The following TMEM87A variants were observed in gnomAD, a reference collection of about 807,000 sequenced individuals.
TMEM87A encodes Golgi-pH regulating cation channel.
Under a neutral mutation model 90.0 loss-of-function variants are expected in TMEM87A, and 50 were observed. The ratio of observed to expected loss-of-function variants is 0.56; its 90% CI spans 0.44 to 0.70. The LOEUF (loss-of-function observed/expected upper bound fraction) is 0.70. Ranked by LOEUF, TMEM87A falls within the 30% of genes least tolerant of loss-of-function variation. The pLI, the probability that TMEM87A is intolerant of heterozygous loss-of-function variation, is 0.00. For missense variants in TMEM87A, 577 were observed against 660.5 expected (o/e 0.87, Z 1.39); for synonymous variants, 226 against 226.7 (o/e 1.00, Z 0.03).
intron 19 of TMEM87A, among the ~76,000 whole-genome samples, chr15:42,217,519 A>ATGG (rs904361810): frequency 6.6e-6 from 1 of 152,228 alleles, no homozygotes; most frequent in African/African-American, 2.4e-5. Context: ...AAAGAACTAG[A>ATGG]TGGTGGAGAG....
At chr15:42,264,349 T>A (rs2051356283) in intron 3 of TMEM87A, 146 bp from the exon 4 acceptor site, 1 of 581,494 alleles carries the variant, frequency 1.7e-6, no homozygotes, top group Middle Eastern at 3.7e-4. Context: ...ATAAAGGCTC[T>A]ATATAAAAAT....
At chr15:42,229,829 T>C (rs1566926763) in intron 12 of TMEM87A, among the ~76,000 whole-genome samples, 2 of 152,132 alleles carry the variant, frequency 1.3e-5, no homozygotes, top group Non-Finnish European at 2.9e-5. Flanking sequence ...TCACGTTCAA[T>C]GTTCTTTTCT....
In TMEM87A at chr15:42,217,910, T is replaced by C. The variant is rs949848648; in HGVS notation, c.1596-77A>G. ...TGGTTCATAAAAGACAATGGAATAATGCAATTAAAAGCTTTATAATTATCT... is the reference window on the plus strand; with the variant it reads ...TGGTTCATAAAAGACAATGGAATAACGCAATTAAAAGCTTTATAATTATCT... On this transcript the variant is annotated intron_variant, in intron 18 of 19. Transcript: ENST00000389834. The C allele has an allele frequency of 3.5e-6, 5 of 1,419,210 alleles. No homozygotes were observed. The African/African-American group carries it at 7.2e-5, about 20-fold the overall frequency. 87.9% of individuals were successfully genotyped at this position (1,419,210 alleles called of 1,614,324 possible). A position where few individuals can be genotyped will look rare whatever the true frequency, so the allele number is the denominator to read the frequency against.
chr15:42,217,667 ATCCTTT>A, intron 19 of TMEM87A, 130 bp downstream of exon 19: 1 of 739,474 alleles, frequency 1.4e-6, no homozygotes, highest in Non-Finnish European at 2.2e-6. Context: ...TTCTATTCTT[ATCCTTT>A]TCAACTATAT....
chr15:42,230,039 T>C (rs1447634901), intron 12 of TMEM87A, among the ~76,000 whole-genome samples: 1 of 152,208 alleles, frequency 6.6e-6, no homozygotes, highest in Non-Finnish European at 1.5e-5. Context: ...TTGCCCAGGC[T>C]GGTCTCAAAC....
chr15:42,232,312 A>G (rs1004919233), intron 11 of TMEM87A, among the ~76,000 whole-genome samples: 1 of 152,118 alleles, frequency 6.6e-6, no homozygotes, highest in Non-Finnish European at 1.5e-5. Context: ...GCCTGAACTC[A>G]ATCAGTCCTT....
chr15:42,226,581 C>T, intron 15 of TMEM87A: 2 of 461,032 alleles, frequency 4.3e-6, no homozygotes, highest in South Asian at 8.4e-5. Context: ...TTTAATTCCC[C>T]CTCAGTATAT....
In TMEM87A at chr15:42,273,332, G is replaced by A. The variant is rs1025591504; in HGVS notation, c.67C>T (p.Pro23Ser). Residue 23 changes from proline to serine, a missense_variant, in exon 1 of 20, where the codon CCA becomes TCA. By Grantham distance (74) the Pro-to-Ser change is moderately conservative. Coordinates refer to ENST00000389834, the MANE Select transcript of TMEM87A (RefSeq NM_015497.5). Reference protein sequence around the residue: ...ILLLLGAHPSPLSFFSAGPAT... With the variant: ...ILLLLGAHPSSLSFFSAGPAT... ...GGTCCCGCACTGAAAAACGACAGTG[G>A]TGACGGGTGAGCTCCCAGAAGCAGA... The A allele has an allele frequency of 1.5e-5, 25 of 1,614,044 alleles. No homozygotes were observed. In the East Asian group the frequency reaches 2.5e-4, roughly 16 times the overall value.
Position 42,273,252 on chromosome 15 carries a change from C to T in TMEM87A, c.144+3G>A, listed in dbSNP as rs1566945849. The T allele has an allele frequency of 1.2e-6, 2 of 1,613,984 alleles. No individual in the cohort carries two copies. Among genetic ancestry groups the T allele is most frequent in the African/African-American group, 2.7e-5 (2 of 74,930 alleles). On this transcript the variant is annotated splice_donor_region_variant and intron_variant, in intron 1 of 19. Coordinates refer to ENST00000389834, the MANE Select transcript of TMEM87A (RefSeq NM_015497.5). ...TTCAGACGTTAGTGAAGTGAATACT[C>T]ACCGACGGTATCGGAATGTGCCATT...
intron 6 of TMEM87A, among the ~76,000 whole-genome samples, chr15:42,250,450 A>G (rs952867026): frequency 3.3e-5 from 5 of 152,142 alleles, no homozygotes. Flanking sequence ...GAACTCTTGT[A>G]GGGCAGGCCT....
At chr15:42,260,042 C>G (rs1467799714) in intron 6 of TMEM87A, among the ~76,000 whole-genome samples, 4 of 152,072 alleles carry the variant, frequency 2.6e-5, no homozygotes, top group Non-Finnish European at 1.5e-5. Context: ...CTTGAGAATA[C>G]TAAAAACCAC....
chr15:42,243,303 A>AATAAATAC (rs2050907674), intron 7 of TMEM87A, among the ~76,000 whole-genome samples: 1 of 106,994 alleles, frequency 9.3e-6, no homozygotes, highest in Middle Eastern at 4.1e-3. Flanking sequence ...TAAATAAATA[A>AATAAATAC]ATAAATAAAT....
At chr15:42,248,619 C>T (rs181685073) in intron 6 of TMEM87A, among the ~76,000 whole-genome samples, 4 of 152,168 alleles carry the variant, frequency 2.6e-5, no homozygotes, top group African/African-American at 9.6e-5. Context: ...ACCCTTGCAT[C>T]CCAGGGATGA....
In TMEM87A at chr15:42,237,551, C is replaced by T; in HGVS notation, c.749G>A (p.Cys250Tyr). Residue 250 changes from cysteine (C) to tyrosine (Y), a missense_variant, in exon 9 of 20, where the codon TGC becomes TAC. By Grantham distance (194) the Cys-to-Tyr change is radical (BLOSUM62 -2). Coordinates refer to ENST00000389834, the MANE Select transcript of TMEM87A (RefSeq NM_015497.5). The part of the protein sequence containing the change: ...FGVLWLAWSA[C>Y]YWRDLLRIQF... Reference sequence around the variant, plus strand: ...AATTCTCAGGAGATCTCTCCAGTAGCAGGCAGACCATGCCAGCCACAGAAC... The same window carrying T: ...AATTCTCAGGAGATCTCTCCAGTAGTAGGCAGACCATGCCAGCCACAGAAC... 6.2e-7 allele frequency: 1 copy of T among 1,614,146 alleles called. No individual in the cohort carries two copies. Among genetic ancestry groups the T allele is most frequent in the Non-Finnish European group, 8.5e-7 (1 of 1,180,016 alleles).
At chr15:42,223,545 C>T (rs1233700686) in intron 15 of TMEM87A, among the ~76,000 whole-genome samples, 1 of 152,168 alleles carries the variant, frequency 6.6e-6, no homozygotes, top group Non-Finnish European at 1.5e-5. Context: ...GGGCTCCACC[C>T]TCATGAATGA....
rs373183488 is a variant in TMEM87A at position 42,228,756 on chromosome 15, G to C, written c.1196C>G (p.Ser399Cys). The C allele has an allele frequency of 9.9e-6, 16 of 1,610,070 alleles. No individual in the cohort carries two copies. The highest frequency in any genetic ancestry group is 4.2e-6 in the Non-Finnish European group (5 of 1,179,014). ...LKLRRNIVKL[S>C]LYRHFTNTLI... ...CGTGTTGGTGAAATGCCGATACAAAGAGAGTTTTACAATGTTCCTCCGAAG... is the reference window on the plus strand; with the variant it reads ...CGTGTTGGTGAAATGCCGATACAAACAGAGTTTTACAATGTTCCTCCGAAG... Residue 399 changes from serine to cysteine, a missense_variant, in exon 13 of 20, where the codon TCT (serine) becomes TGT (cysteine). Physicochemically the swap from Ser to Cys is moderately radical, Grantham distance 112. Transcript: ENST00000389834.
At position 42,236,438 on chromosome 15, in the gene TMEM87A, G is replaced by T. The variant is rs762286154; in HGVS notation, c.869-19C>A. 6.2e-7 allele frequency: 1 copy of T among 1,609,368 alleles called. No individual in the cohort carries two copies. Among genetic ancestry groups the T allele is most frequent in the East Asian group, 2.2e-5 (1 of 44,846 alleles). The stretch of plus-strand genomic sequence containing the variant: ...CCCTGGACTATGAAAAAGAAGGGAA[G>T]AAATGGCACCATAATCTAGGTTTGG... On this transcript the variant is annotated intron_variant, in intron 9 of 19. Transcript: ENST00000389834.
intron 8 of TMEM87A, among the ~76,000 whole-genome samples, chr15:42,239,051 A>C (rs1181855093): frequency 6.6e-6 from 1 of 151,984 alleles, no homozygotes; most frequent in East Asian, 1.9e-4. Flanking sequence ...CATTTTGTTA[A>C]TTTTTTGTTG....
At chr15:42,246,459 C>T (rs542298397) in intron 6 of TMEM87A, among the ~76,000 whole-genome samples, 21 of 152,164 alleles carry the variant, frequency 1.4e-4, no homozygotes, top group Admixed American at 2.0e-4. Flanking sequence ...CCCGACCCGA[C>T]GACAGGCCCC....
Sources: gnomAD v4.1 joint callset for allele counts (sites outside exome capture counted in the v4.1 genomes callset) on GRCh38, gnomAD v4.1.1 for gene constraint, MANE v1.5 for transcripts, NCBI Gene and HGNC (gene_info 2026-07-23, HGNC 2026-07-21) for gene names.